The following MIDN variants were observed in gnomAD, a reference collection of about 807,000 sequenced individuals.
MIDN encodes the protein midnolin.
MIDN carries 26 observed loss-of-function variants against 46.1 expected under a neutral mutation model. That is an observed-to-expected ratio of 0.56 (90% CI 0.41 to 0.78). MIDN has a LOEUF of 0.78. Ranked by LOEUF, MIDN falls within the 30% of genes least tolerant of loss-of-function variation. MIDN has a pLI of 0.00. For missense variants in MIDN, 850 were observed against 771.8 expected (o/e 1.10, Z -1.20); for synonymous variants, 432 against 343.3 (o/e 1.26, Z -2.86).
At chr19:1,255,125 C>G in intron 7 of MIDN, 64 bp downstream of exon 7, 1 of 1,540,458 alleles carries the variant, frequency 6.5e-7, no homozygotes, top group Non-Finnish European at 8.9e-7. Flanking sequence ...TTGGGGTCTA[C>G]ATCCACCCAC....
Position 1,254,186 on chromosome 19 carries a change from G to A in MIDN, c.533G>A (p.Gly178Asp), listed in dbSNP as rs1475414307. 1 of 1,597,396 alleles carries A rather than the reference G, an allele frequency of 6.3e-7. No individual in the cohort carries two copies. Among genetic ancestry groups the A allele is most frequent in the African/African-American group, 1.3e-5 (1 of 74,736 alleles). Residue 178 changes from glycine to aspartate, a missense_variant, in exon 6 of 9, where the codon GGC becomes GAC. Transcript: ENST00000682408. ...TTGCAGGTCAGTGACTTCCTGTCGG[G>A]CCGTTCGCCACTGACACTGGCCTTG... ...ERPQVSDFLS[G>D]RSPLTLALRV...
At chr19:1,253,865 C>A (rs2081163980) in intron 4 of MIDN, 89 bp from the exon 5 acceptor site, 5 of 1,122,794 alleles carry the variant, frequency 4.5e-6, no homozygotes, top group Non-Finnish European at 4.6e-6. Flanking sequence ...CTGGGCCCCG[C>A]CCCCTCTGGC....
chr19:1,253,428 C>CT (rs1031084791), intron 4 of MIDN, among the ~76,000 whole-genome samples: 5 of 151,446 alleles, frequency 3.3e-5, no homozygotes, highest in Non-Finnish European at 7.4e-5. Context: ...GCCACCCCCC[C>CT]CCCCATCCCG....
rs770442876 is a variant in MIDN at position 1,251,570 on chromosome 19, G to A, written c.242G>A (p.Ser81Asn). 6 of 1,607,874 alleles carry A rather than the reference G, an allele frequency of 3.7e-6. No individual in the cohort carries two copies. In the Admixed American group the frequency reaches 1.0e-4, roughly 28 times the overall value. The change falls in exon 3 of 9, where the codon AGT becomes AAT. Residue 81 changes from serine to asparagine, a missense_variant. Coordinates refer to ENST00000682408, the MANE Select transcript of MIDN (RefSeq NM_001388306.1). ...TTCCTTCCTCCCCCCAGCCGGCTCA[G>A]TTCGGGGAAGCTGCAGGAGTTCGGC... ...LALLHKDTRL[S>N]SGKLQEFGVG...
At chr19:1,249,043 G>C (rs2081089007) in intron 1 of MIDN, among the ~76,000 whole-genome samples, 1 of 151,562 alleles carries the variant, frequency 6.6e-6, no homozygotes, top group Non-Finnish European at 1.5e-5. Context: ...CCCTCCCCGG[G>C]ACTCCGGGCG....
intron 2 of MIDN, 53 bp from the exon 3 acceptor site, chr19:1,251,509 C>T (rs927391467): frequency 1.3e-6 from 2 of 1,556,280 alleles, no homozygotes; most frequent in Non-Finnish European, 1.7e-6. Context: ...CCTCTGCTTC[C>T]GCGTCCCTGT....
At chr19:1,250,576 C>A in intron 2 of MIDN, 47 bp downstream of exon 2, 1 of 1,048,214 alleles carries the variant, frequency 9.5e-7, no homozygotes, top group Non-Finnish European at 1.2e-6. Flanking sequence ...GGCCCCGGCC[C>A]CCGGGCGGGA....
intron 3 of MIDN, 63 bp downstream of exon 3, chr19:1,251,712 C>A: frequency 6.5e-7 from 1 of 1,535,304 alleles, no homozygotes; most frequent in Admixed American, 1.8e-5. Context: ...GCCCCTCCCT[C>A]GGTACCTGTC....
At chr19:1,252,529 C>A (rs139695786) in intron 4 of MIDN, among the ~76,000 whole-genome samples, 1 of 151,846 alleles carries the variant, frequency 6.6e-6, no homozygotes, top group Non-Finnish European at 1.5e-5. Flanking sequence ...CACCCGGTTC[C>A]CGGTTTTGCT....
intron 2 of MIDN, among the ~76,000 whole-genome samples, chr19:1,250,887 C>T (rs1325421455): frequency 6.6e-6 from 1 of 152,090 alleles, no homozygotes; most frequent in Non-Finnish European, 1.5e-5. Flanking sequence ...TCCTCTGCGT[C>T]TGGCTGTCTC....
rs757629749 is a variant in MIDN, at chr19:1,257,274, A to G, written c.*2A>G. On this transcript the variant is annotated 3_prime_UTR_variant, in exon 9 of 9. Coordinates refer to ENST00000682408, the MANE Select transcript of MIDN (RefSeq NM_001388306.1). ...AAGTCAGAGTTCGTGGTGGCTTAGG[A>G]TCTTCGGATCGGCCACCCTCGCCCC... 1.2e-6 allele frequency: 2 copies of G among 1,611,020 alleles called. No individual in the cohort carries two copies. The highest frequency in any genetic ancestry group is 1.7e-6 in the Non-Finnish European group (2 of 1,179,134).
At position 1,258,538 on chromosome 19, in the gene MIDN, T is replaced by C. The variant is rs954010027; in HGVS notation, c.*1266T>C. 20 of 152,528 alleles carry C rather than the reference T, an allele frequency of 1.3e-4. No individual in the cohort carries two copies. The East Asian group carries it at 2.3e-3, about 18-fold the overall frequency. 9.4% of individuals were successfully genotyped at this position (152,528 alleles called of 1,614,324 possible). ...CTCACTTTTTATTTTTTAATGATAATGGAGATGTCTGGACCCTTCCTCACC... is the reference window on the plus strand; with the variant it reads ...CTCACTTTTTATTTTTTAATGATAACGGAGATGTCTGGACCCTTCCTCACC... On this transcript the variant is annotated 3_prime_UTR_variant, in exon 9 of 9. Transcript: ENST00000682408.
Position 1,256,051 on chromosome 19 carries a change from G to A in MIDN, c.1258+357G>A, listed in dbSNP as rs924169103. Among the ~76,000 whole-genome samples, 9 of 152,342 alleles carry A rather than the reference G, an allele frequency of 5.9e-5. No individual in the cohort carries two copies. The South Asian group carries it at 6.2e-4, about 11-fold the overall frequency. On this transcript the variant is annotated intron_variant, in intron 8 of 8. Coordinates refer to ENST00000682408, the MANE Select transcript of MIDN (RefSeq NM_001388306.1). The stretch of plus-strand genomic sequence containing the variant: ...CATTTCAGTGACTTGGAAAAGCAGC[G>A]AACACAACCCCCCTGCCAGCCTGGC...
chr19:1,255,363 C>T (rs989225803), intron 7 of MIDN, 59 bp from the exon 8 acceptor site: 5 of 1,507,102 alleles, frequency 3.3e-6, no homozygotes, highest in East Asian at 2.5e-5. Flanking sequence ...CGTGGACGCC[C>T]GTCCTGGACA....
chr19:1,257,800 C>A lies in MIDN; in HGVS notation c.*528C>A. 1 of 153,964 alleles carries A rather than the reference C, an allele frequency of 6.5e-6. No individual in the cohort carries two copies. The allele number at this position is 153,964 out of a possible 1,614,324, so 9.5% of individuals were successfully genotyped here. A position where few individuals can be genotyped will look rare whatever the true frequency, so the allele number is the denominator to read the frequency against. On this transcript the variant is annotated 3_prime_UTR_variant, in exon 9 of 9. Coordinates refer to ENST00000682408, the MANE Select transcript of MIDN (RefSeq NM_001388306.1). ...CCCCCCAGTGCAGACTTCGGGGTCTCCACCCCAGGCCAGCAGCGCCCACTG... is the reference window on the plus strand; with the variant it reads ...CCCCCCAGTGCAGACTTCGGGGTCTACACCCCAGGCCAGCAGCGCCCACTG...
In MIDN at chr19:1,257,371, G is replaced by A; in HGVS notation, c.*99G>A. On this transcript the variant is annotated 3_prime_UTR_variant, in exon 9 of 9. Transcript: ENST00000682408. Reference sequence around the variant, plus strand: ...AACGTGGCCCAGCCCTGGAGGGCAGGCGGCCACTCCCCCAGCCAGAAGTCT... The same window carrying A: ...AACGTGGCCCAGCCCTGGAGGGCAGACGGCCACTCCCCCAGCCAGAAGTCT... 1.1e-6 allele frequency: 1 copy of A among 906,084 alleles called. No individual in the cohort carries two copies. The highest frequency in any genetic ancestry group is 2.5e-5 in the Admixed American group (1 of 40,268). The allele number at this position is 906,084 out of a possible 1,614,324, so 56.1% of individuals were successfully genotyped here.
chr19:1,254,322 G>A lies in MIDN; in HGVS notation c.669G>A (p.Gly223=), dbSNP rs1009885854. 1.3e-6 allele frequency: 2 copies of A among 1,570,822 alleles called. No individual in the cohort carries two copies. The highest frequency in any genetic ancestry group is 2.3e-5 in the East Asian group (1 of 43,286). The part of the protein sequence containing the change: ...AAAAAAAAAR[G]DPSIASPVSS... ...CGGCCGCCGCCGCTGCTGCGCGGGG[G>A]GACCCCAGCATAGCCTCCCCCGTGT... Residue 223 remains glycine, a synonymous_variant, in exon 6 of 9, where the codon GGG becomes GGA. Coordinates refer to ENST00000682408, the MANE Select transcript of MIDN (RefSeq NM_001388306.1).
At chr19:1,253,531 G>T (rs2081159930) in intron 4 of MIDN, among the ~76,000 whole-genome samples, 1 of 152,190 alleles carries the variant, frequency 6.6e-6, no homozygotes, top group Non-Finnish European at 1.5e-5. Flanking sequence ...CCTGAACGGG[G>T]GCAGATTGAG....
At position 1,254,213 on chromosome 19, in the gene MIDN, G is replaced by A. The variant is rs2081169007; in HGVS notation, c.560G>A (p.Arg187His). The A allele has an allele frequency of 1.3e-6, 2 of 1,598,384 alleles. No individual in the cohort carries two copies. Among genetic ancestry groups the A allele is most frequent in the Non-Finnish European group, 1.7e-6 (2 of 1,177,924 alleles). Residue 187 changes from arginine (R) to histidine (H), a missense_variant, in exon 6 of 9, where the codon CGT becomes CAT. Physicochemically the swap from Arg to His is conservative, Grantham distance 29 (BLOSUM62 0). Transcript: ENST00000682408. The stretch of plus-strand genomic sequence containing the variant: ...CGTTCGCCACTGACACTGGCCTTGC[G>A]TGTGGGCGACCACATGATGTTCGTG... Reference protein sequence around the residue: ...SGRSPLTLALRVGDHMMFVQL... With the variant: ...SGRSPLTLALHVGDHMMFVQL...
Sources: gnomAD v4.1 joint callset for allele counts (sites outside exome capture counted in the v4.1 genomes callset) on GRCh38, gnomAD v4.1.1 for gene constraint, MANE v1.5 for transcripts, NCBI Gene and HGNC (gene_info 2026-07-23, HGNC 2026-07-21) for gene names.